The following SHANK2 variants were observed in gnomAD, a reference collection of about 807,000 sequenced individuals.
SHANK2 encodes the protein SH3 and multiple ankyrin repeat domains protein 2.
SHANK2 carries 43 observed loss-of-function variants against 133.7 expected under a neutral mutation model. The observed-to-expected ratio is 0.32, with a 90% CI of 0.25 to 0.41. The LOEUF is 0.41. Ranked by LOEUF, SHANK2 falls within the 10% of genes least tolerant of loss-of-function variation. The pLI, the probability that SHANK2 is intolerant of heterozygous loss-of-function variation, is 1.00. For synonymous variants in SHANK2, 1,017 were observed against 952.8 expected (o/e 1.07, Z -1.24); for missense variants, 1,994 against 2,235.8 (o/e 0.89, Z 2.18).
In SHANK2 at chr11:70,485,507, C is replaced by G; in HGVS notation, c.4786G>C (p.Val1596Leu). ...PGSAQPGMAK[V>L]LQPRTSKLWG... ...AACTTGGAGGTCCTTGGCTGGAGAACCTTGGCCATCCCAGGCTGGGCACTG... is the reference window on the plus strand; with the variant it reads ...AACTTGGAGGTCCTTGGCTGGAGAAGCTTGGCCATCCCAGGCTGGGCACTG... Residue 1596 changes from valine (V) to leucine (L), a missense_variant, in exon 25 of 26, where the codon GTT becomes CTT. This residue lies in a region of SHANK2 where 797 missense variants were observed against 907.4 expected (regional missense o/e 0.88). Transcript: ENST00000601538. The surrounding 1 kb of genome is among the most constrained non-coding windows in gnomAD (Gnocchi z 5.8). 1.2e-6 allele frequency: 2 copies of G among 1,613,600 alleles called. No homozygotes were observed. The highest frequency in any genetic ancestry group is 4.5e-5 in the East Asian group (2 of 44,880).
intron 2 of SHANK2, among the ~76,000 whole-genome samples, chr11:71,168,686 G>A (rs936723163): frequency 1.2e-4 from 19 of 152,158 alleles, no homozygotes; most frequent in Non-Finnish European, 2.6e-4. Context: ...CCAGTCAGGC[G>A]TGGCGGCGCG....
intron 8 of SHANK2, among the ~76,000 whole-genome samples, chr11:71,087,326 C>A (rs1014665736): frequency 6.6e-6 from 1 of 151,892 alleles, no homozygotes. Flanking sequence ...GGAGAGAGGG[C>A]AGGAAAAAGG....
At chr11:71,085,476 T>C (rs1951366439) in intron 8 of SHANK2, among the ~76,000 whole-genome samples, 1 of 122,656 alleles carries the variant, frequency 8.2e-6, no homozygotes, top group Non-Finnish European at 1.6e-5. Context: ...ATATATATAA[T>C]ATATATGTTA....
At chr11:70,523,385 G>A (rs562382468) in intron 17 of SHANK2, among the ~76,000 whole-genome samples, 2 of 152,352 alleles carry the variant, frequency 1.3e-5, no homozygotes, top group East Asian at 1.9e-4. Flanking sequence ...CTGCCCCACT[G>A]TCAGGTGAGT....
intron 14 of SHANK2, among the ~76,000 whole-genome samples, chr11:70,762,098 G>A (rs180768691): frequency 9.2e-5 from 14 of 152,280 alleles, no homozygotes; most frequent in Admixed American, 3.9e-4. Flanking sequence ...CCCTGACTTC[G>A]CTCCTGCTCT....
At chr11:70,619,473 C>T (rs531680598) in intron 17 of SHANK2, among the ~76,000 whole-genome samples, 8 of 152,316 alleles carry the variant, frequency 5.3e-5, no homozygotes, top group South Asian at 2.1e-4. Flanking sequence ...CTTATAAGGA[C>T]GCCTGTGGTC....
chr11:70,593,084 C>T (rs1422437075), intron 17 of SHANK2, among the ~76,000 whole-genome samples: 2 of 152,228 alleles, frequency 1.3e-5, no homozygotes, highest in African/African-American at 2.4e-5. Context: ...CGGGGAAGGC[C>T]TGTGGCTGCC....
intron 17 of SHANK2, among the ~76,000 whole-genome samples, chr11:70,629,063 T>C (rs782199590): frequency 2.0e-5 from 3 of 152,174 alleles, no homozygotes; most frequent in Non-Finnish European, 4.4e-5. Context: ...GTTTCAGGCA[T>C]GTGCGCGCCA....
In SHANK2 at chr11:70,467,997, G is replaced by A. The variant is rs1181298324; in HGVS notation, c.*4872C>T. 1 of 152,564 alleles carries A rather than the reference G, an allele frequency of 6.6e-6. No individual in the cohort carries two copies. The highest frequency in any genetic ancestry group is 1.5e-5 in the Non-Finnish European group (1 of 68,020). The allele number at this position is 152,564 out of a possible 1,614,324, so 9.5% of individuals were successfully genotyped here. A position where few individuals can be genotyped will look rare whatever the true frequency, so the allele number is the denominator to read the frequency against. ...TTCTTTACGTTGTGCATTGATATGGGCTTCTCAGTTCAGAAAACAAGGCAC... is the reference window on the plus strand; with the variant it reads ...TTCTTTACGTTGTGCATTGATATGGACTTCTCAGTTCAGAAAACAAGGCAC... On this transcript the variant is annotated 3_prime_UTR_variant, in exon 26 of 26. Transcript: ENST00000601538.
At chr11:70,640,849 C>A (rs138260390) in intron 17 of SHANK2, among the ~76,000 whole-genome samples, 1 of 152,162 alleles carries the variant, frequency 6.6e-6, no homozygotes, top group South Asian at 2.1e-4. Context: ...TAGGAAGAAT[C>A]GAGGCGACTG....
intron 14 of SHANK2, among the ~76,000 whole-genome samples, chr11:70,765,337 A>C (rs1358677654): frequency 6.6e-6 from 1 of 152,184 alleles, no homozygotes; most frequent in Non-Finnish European, 1.5e-5. Flanking sequence ...TAGATCCTGA[A>C]CCTTCTTTTA....
intron 17 of SHANK2, among the ~76,000 whole-genome samples, chr11:70,584,119 C>T (rs903027689): frequency 9.2e-5 from 14 of 152,310 alleles, no homozygotes; most frequent in Admixed American, 2.0e-4. Context: ...TACCTGCCAG[C>T]GCTTTGGCTC....
At chr11:70,503,623 A>G (rs2059093345) in intron 17 of SHANK2, among the ~76,000 whole-genome samples, 1 of 152,204 alleles carries the variant, frequency 6.6e-6, no homozygotes, top group Non-Finnish European at 1.5e-5. Flanking sequence ...TGCTATGGCC[A>G]CTGCCCTGCA....
intron 24 of SHANK2, among the ~76,000 whole-genome samples, chr11:70,488,594 C>A (rs1345578224): frequency 1.3e-5 from 2 of 152,190 alleles, no homozygotes; most frequent in Non-Finnish European, 2.9e-5. Context: ...GGGAGGGAGC[C>A]CAGGTTCCTT....
chr11:71,134,115 G>A (rs1555104302), intron 3 of SHANK2, among the ~76,000 whole-genome samples: 1 of 151,880 alleles, frequency 6.6e-6, no homozygotes, highest in Non-Finnish European at 1.5e-5. Flanking sequence ...CGTGGCAGGA[G>A]GCCCGGAGTG....
At chr11:71,106,334 G>A (rs1307698644) in intron 6 of SHANK2, among the ~76,000 whole-genome samples, 1 of 152,212 alleles carries the variant, frequency 6.6e-6, no homozygotes, top group Non-Finnish European at 1.5e-5. Context: ...GGGCTCAGTG[G>A]CTCACGCCTG....
At chr11:70,928,006 C>T (rs1477631985) in intron 10 of SHANK2, among the ~76,000 whole-genome samples, 6 of 152,126 alleles carry the variant, frequency 3.9e-5, no homozygotes, top group Non-Finnish European at 8.8e-5. Context: ...TCTCAGCCTC[C>T]GTAATCACAT....
At chr11:70,625,846 T>G (rs576044514) in intron 17 of SHANK2, among the ~76,000 whole-genome samples, 1 of 146,868 alleles carries the variant, frequency 6.8e-6, no homozygotes, top group Non-Finnish European at 1.5e-5. Context: ...AAAGACACGT[T>G]TGTGCATAAA....
At chr11:70,517,259 T>C (rs1424092680) in intron 17 of SHANK2, among the ~76,000 whole-genome samples, 1 of 152,210 alleles carries the variant, frequency 6.6e-6, no homozygotes, top group Non-Finnish European at 1.5e-5. Context: ...TGCTTATCGT[T>C]GCTGGTGGGA....
Sources: allele counts gnomAD v4.1 joint callset (sites outside exome capture counted in the v4.1 genomes callset), GRCh38; gene constraint gnomAD v4.1.1; regional missense constraint gnomAD v4.1.1; non-coding constraint Gnocchi (gnomAD v3.1); transcripts MANE v1.5; gene names NCBI Gene and HGNC (gene_info 2026-07-23, HGNC 2026-07-21).